The following REDIC1 variants were observed in gnomAD, a reference collection of about 807,000 sequenced individuals.
REDIC1 encodes HEI10 Interacting Protein 1.
chr12:39,731,634 A>G, the REDIC1 span, among the ~76,000 whole-genome samples: 1 of 152,088 alleles, frequency 6.6e-6, no homozygotes, highest in South Asian at 2.1e-4. Flanking sequence ...GGGGTCAGGG[A>G]CCCACTTGAG....
chr12:39,843,071 C>T, the REDIC1 span, among the ~76,000 whole-genome samples: 2 of 151,906 alleles, frequency 1.3e-5, no homozygotes, highest in Non-Finnish European at 2.9e-5. Flanking sequence ...AAAACTGTTG[C>T]TATGAACATT....
the REDIC1 span, chr12:39,643,709 T>G: frequency 2.6e-6 from 3 of 1,136,240 alleles, no homozygotes; most frequent in East Asian, 5.5e-5. Context: ...CATGATTGCT[T>G]TTTTATTATT....
chr12:39,786,933 A>C, the REDIC1 span, among the ~76,000 whole-genome samples: 1 of 152,216 alleles, frequency 6.6e-6, no homozygotes, highest in African/African-American at 2.4e-5. Context: ...TAATAGCCAG[A>C]GGACTTTTTA....
At chr12:39,729,328 A>G in the REDIC1 span, among the ~76,000 whole-genome samples, 1 of 152,128 alleles carries the variant, frequency 6.6e-6, no homozygotes, top group Non-Finnish European at 1.5e-5. Context: ...CCACTGCTTT[A>G]GCTGTGTCCC....
chr12:39,686,814 T>C, the REDIC1 span, among the ~76,000 whole-genome samples: 1 of 152,242 alleles, frequency 6.6e-6, no homozygotes, highest in Non-Finnish European at 1.5e-5. Flanking sequence ...ATTTCTTTGC[T>C]CACACATATG....
chr12:39,882,133 G>A, the REDIC1 span, among the ~76,000 whole-genome samples: 1 of 151,752 alleles, frequency 6.6e-6, no homozygotes, highest in Non-Finnish European at 1.5e-5. Context: ...ACTCATTCCT[G>A]CCCCTTACCC....
chr12:39,841,005 A>G, the REDIC1 span, among the ~76,000 whole-genome samples: 1 of 152,108 alleles, frequency 6.6e-6, no homozygotes, highest in Non-Finnish European at 1.5e-5. Flanking sequence ...GAATCACACC[A>G]TGAATTGTTC....
chr12:39,704,973 G>C, the REDIC1 span, among the ~76,000 whole-genome samples: 1 of 151,266 alleles, frequency 6.6e-6, no homozygotes, highest in Admixed American at 6.6e-5. Context: ...CCTAATGCTA[G>C]ATGACGAGTT....
chr12:39,896,307 T>C, the REDIC1 span, among the ~76,000 whole-genome samples: 2 of 135,420 alleles, frequency 1.5e-5, no homozygotes, highest in African/African-American at 2.7e-5. Context: ...TATATATGTA[T>C]ACATATATGT....
the REDIC1 span, among the ~76,000 whole-genome samples, chr12:39,870,696 A>C: frequency 6.6e-6 from 1 of 152,166 alleles, no homozygotes; most frequent in African/African-American, 2.4e-5. Flanking sequence ...TTGCCCCTTA[A>C]TCAGACAATC....
At chr12:39,839,058 T>C in the REDIC1 span, among the ~76,000 whole-genome samples, 2 of 152,100 alleles carry the variant, frequency 1.3e-5, no homozygotes, top group Non-Finnish European at 1.5e-5. Flanking sequence ...AATTGACACC[T>C]ATTTTGTGCA....
At chr12:39,811,210 C>T in the REDIC1 span, among the ~76,000 whole-genome samples, 10 of 151,974 alleles carry the variant, frequency 6.6e-5, no homozygotes, top group South Asian at 8.3e-4. Context: ...TCTCCCTAAA[C>T]GAGTCCAGCT....
chr12:39,655,958 G>A, the REDIC1 span, among the ~76,000 whole-genome samples: 2 of 152,072 alleles, frequency 1.3e-5, no homozygotes, highest in Non-Finnish European at 2.9e-5. Context: ...TATCATCCCA[G>A]AAGGTCCTGC....
At chr12:39,728,973 G>A in the REDIC1 span, among the ~76,000 whole-genome samples, 1 of 151,802 alleles carries the variant, frequency 6.6e-6, no homozygotes, top group South Asian at 2.1e-4. Flanking sequence ...ATTCTCTGGT[G>A]GTAGTTTGTA....
At chr12:39,726,453 G>A in the REDIC1 span, among the ~76,000 whole-genome samples, 9 of 152,214 alleles carry the variant, frequency 5.9e-5, no homozygotes, top group South Asian at 2.1e-4. Flanking sequence ...GAGAATGATG[G>A]TTTGAAGCTT....
the REDIC1 span, among the ~76,000 whole-genome samples, chr12:39,799,449 C>T: frequency 6.6e-4 from 42 of 63,680 alleles, 1 homozygote; most frequent in Middle Eastern, 8.8e-3. Flanking sequence ...ATCCTCTACA[C>T]GGCGCACTTT....
chr12:39,856,743 G>A, the REDIC1 span, among the ~76,000 whole-genome samples: 36 of 152,312 alleles, frequency 2.4e-4, no homozygotes, highest in South Asian at 5.6e-3. Context: ...CAAGGAACAC[G>A]TAGCAAGGTT....
At chr12:39,906,328 A>C in the REDIC1 span, among the ~76,000 whole-genome samples, 1 of 152,116 alleles carries the variant, frequency 6.6e-6, no homozygotes, top group African/African-American at 2.4e-5. Context: ...ACTAAATTTC[A>C]TCAGAAGTCA....
chr12:39,891,461 G>A, the REDIC1 span, among the ~76,000 whole-genome samples: 1 of 151,992 alleles, frequency 6.6e-6, no homozygotes, highest in Non-Finnish European at 1.5e-5. Context: ...AAGATTGGAG[G>A]CTTGTGATTT....
Sources: gnomAD v4.1 joint callset for allele counts (sites outside exome capture counted in the v4.1 genomes callset) on GRCh38, gnomAD v4.1.1 for gene constraint, MANE v1.5 for transcripts, NCBI Gene and HGNC (gene_info 2026-07-23, HGNC 2026-07-21) for gene names.